Variants in MLLT3 observed in about 807,000 individuals in gnomAD.
MLLT3 encodes protein AF-9.
MLLT3 carries 4 observed loss-of-function variants against 53.2 expected under a neutral mutation model. The observed-to-expected ratio is 0.08, with a 90% CI of 0.04 to 0.17. The LOEUF is 0.17. Ranked by LOEUF, MLLT3 falls within the 10% of genes least tolerant of loss-of-function variation. MLLT3 has a pLI of 1.00. For synonymous variants in MLLT3, 283 were observed against 230.6 expected (o/e 1.23, Z -2.06); for missense variants, 569 against 684.0 (o/e 0.83, Z 1.87).
chr9:20,381,162 C>G (rs983713484), intron 5 of MLLT3, among the ~76,000 whole-genome samples: 1 of 151,832 alleles, frequency 6.6e-6, no homozygotes, highest in African/African-American at 2.4e-5. Context: ...TATTTTAAAC[C>G]TTTAGATATT....
intron 2 of MLLT3, among the ~76,000 whole-genome samples, chr9:20,551,332 T>A (rs1818921105): frequency 6.6e-6 from 1 of 152,210 alleles, no homozygotes; most frequent in Admixed American, 6.5e-5. Context: ...ATCCAATGCA[T>A]TCCACAAAGC....
At chr9:20,619,683 A>G (rs1317980591) in intron 2 of MLLT3, among the ~76,000 whole-genome samples, 1 of 152,202 alleles carries the variant, frequency 6.6e-6, no homozygotes, top group Non-Finnish European at 1.5e-5. Context: ...AAACAACCAG[A>G]CATTAGTTTT....
intron 2 of MLLT3, among the ~76,000 whole-genome samples, chr9:20,466,482 G>GT (rs1231269050): frequency 2.0e-5 from 3 of 152,050 alleles, no homozygotes; most frequent in Admixed American, 6.6e-5. Flanking sequence ...AGAGTATGGG[G>GT]TTTTTTTGCT....
At position 20,365,686 on chromosome 9, in the gene MLLT3, G is replaced by A; in HGVS notation, c.1184C>T (p.Ser395Phe). ...SSSSSSSFTP[S>F]QTRQQGPLRS... ...GTTGATACCTTGTTGCCTGGTCTGG[G>A]ATGGTGTGAAGCTGGAGCTGGAGCT... is the stretch of plus-strand genomic sequence containing the variant. Residue 395 changes from serine (S) to phenylalanine (F), a missense_variant, in exon 6 of 11, where the codon TCC (serine) becomes TTC (phenylalanine). This residue lies in a region of MLLT3 where 437 missense variants were observed against 376.5 expected (regional missense o/e 1.16). Coordinates refer to ENST00000380338, the MANE Select transcript of MLLT3 (RefSeq NM_004529.4). The A allele has an allele frequency of 6.2e-7, 1 of 1,614,216 alleles. No individual in the cohort carries two copies. Among genetic ancestry groups the A allele is most frequent in the Non-Finnish European group, 8.5e-7 (1 of 1,180,042 alleles).
chr9:20,574,377 T>C (rs962683041), intron 2 of MLLT3, among the ~76,000 whole-genome samples: 2 of 152,238 alleles, frequency 1.3e-5, no homozygotes, highest in African/African-American at 4.8e-5. Flanking sequence ...AAAGTCACTA[T>C]GGTGTAAAGT....
chr9:20,357,596 G>C (rs533101116), intron 8 of MLLT3, among the ~76,000 whole-genome samples: 1 of 152,188 alleles, frequency 6.6e-6, no homozygotes, highest in East Asian at 1.9e-4. Context: ...TCTACTGATA[G>C]ATCTTTCATA....
intron 4 of MLLT3, among the ~76,000 whole-genome samples, chr9:20,418,632 G>A (rs572539089): frequency 1.2e-4 from 19 of 152,234 alleles, no homozygotes; most frequent in African/African-American, 4.3e-4. Context: ...TAGAGATGGG[G>A]TCTTGCTGTG....
chr9:20,494,345 C>G lies in MLLT3; in HGVS notation c.194-37559G>C, dbSNP rs994844647. Among the ~76,000 whole-genome samples the G allele has an allele frequency of 3.9e-5, 6 of 151,982 alleles. No individual in the cohort carries two copies. In the South Asian group the frequency reaches 1.2e-3, roughly 31 times the overall value. ...CTTCAGGGGAGAAGAGGTTTATGCACAAATCCAGAAAGCTTTAAAGATGCT... is the reference window on the plus strand; with the variant it reads ...CTTCAGGGGAGAAGAGGTTTATGCAGAAATCCAGAAAGCTTTAAAGATGCT... On this transcript the variant is annotated intron_variant, in intron 2 of 10. Transcript: ENST00000380338.
chr9:20,556,703 T>C (rs1459101880), intron 2 of MLLT3, among the ~76,000 whole-genome samples: 2 of 151,310 alleles, frequency 1.3e-5, no homozygotes, highest in Admixed American at 6.6e-5. Flanking sequence ...AATAAATAAA[T>C]AAAAGTTGGG....
In MLLT3 at chr9:20,346,006, A is replaced by G. The variant is rs1820856317; in HGVS notation, c.*437T>C. The G allele has an allele frequency of 4.2e-6, 1 of 235,332 alleles. No individual in the cohort carries two copies. Among genetic ancestry groups the G allele is most frequent in the Non-Finnish European group, 8.4e-6 (1 of 119,026 alleles). The allele number at this position is 235,332 out of a possible 1,614,324, so 14.6% of individuals were successfully genotyped here. The stretch of plus-strand genomic sequence containing the variant: ...TAATGTCTGATGGTGTCATTCCCTC[A>G]ACGACTTAGAATATCTGTATGCGAT... On this transcript the variant is annotated 3_prime_UTR_variant, in exon 11 of 11. Transcript: ENST00000380338.
rs540463940 is a variant in MLLT3 at position 20,561,063 on chromosome 9, T to A, written c.193+59591A>T. Among the ~76,000 whole-genome samples, 6 of 152,310 alleles carry A rather than the reference T, an allele frequency of 3.9e-5. No homozygotes were observed. In the South Asian group the frequency reaches 1.2e-3, roughly 32 times the overall value. On this transcript the variant is annotated intron_variant, in intron 2 of 10. Coordinates refer to ENST00000380338, the MANE Select transcript of MLLT3 (RefSeq NM_004529.4). ...TGAAAAGCAAAGGGACCAGGGAACA[T>A]GTATCTACTTTATTTTGTGTGTGTG...
chr9:20,542,526 A>G (rs1818667497), intron 2 of MLLT3, among the ~76,000 whole-genome samples: 1 of 152,198 alleles, frequency 6.6e-6, no homozygotes, highest in Non-Finnish European at 1.5e-5. Flanking sequence ...CTGGGATTAC[A>G]GGCGTGAGCC....
chr9:20,459,262 T>C (rs920723120), intron 2 of MLLT3, among the ~76,000 whole-genome samples: 1 of 152,150 alleles, frequency 6.6e-6, no homozygotes, highest in African/African-American at 2.4e-5. Context: ...AAATCAAGAA[T>C]GAGACATCTC....
chr9:20,460,238 C>G (rs1173835529), intron 2 of MLLT3, among the ~76,000 whole-genome samples: 2 of 152,158 alleles, frequency 1.3e-5, no homozygotes, highest in Admixed American at 6.5e-5. Flanking sequence ...ATTCTAAACC[C>G]TGAAACTAAT....
At chr9:20,470,088 A>AT (rs1824343761) in intron 2 of MLLT3, among the ~76,000 whole-genome samples, 1 of 151,976 alleles carries the variant, frequency 6.6e-6, no homozygotes, top group Admixed American at 6.6e-5. Flanking sequence ...CCCAAGTATT[A>AT]TTTTTTGTTG....
At chr9:20,439,013 T>C (rs891224001) in intron 4 of MLLT3, among the ~76,000 whole-genome samples, 16 of 150,166 alleles carry the variant, frequency 1.1e-4, no homozygotes, top group Non-Finnish European at 2.4e-4. Flanking sequence ...TGAATCATAT[T>C]TGCAAAGACA....
chr9:20,527,356 C>T (rs761226303), intron 2 of MLLT3, among the ~76,000 whole-genome samples: 7 of 152,130 alleles, frequency 4.6e-5, no homozygotes, highest in Non-Finnish European at 1.0e-4. Context: ...TCCTAAGGGT[C>T]AAATCTTTCC....
chr9:20,594,160 C>T (rs1410927752), intron 2 of MLLT3, among the ~76,000 whole-genome samples: 2 of 152,138 alleles, frequency 1.3e-5, no homozygotes, highest in African/African-American at 4.8e-5. Flanking sequence ...AAGCTGGTCT[C>T]GAACTCCTGA....
intron 2 of MLLT3, among the ~76,000 whole-genome samples, chr9:20,504,808 T>G (rs980057497): frequency 6.6e-6 from 1 of 152,154 alleles, no homozygotes; most frequent in East Asian, 1.9e-4. Flanking sequence ...CATTTCACAA[T>G]GTATACAGAT....
Sources: gnomAD v4.1 joint callset for allele counts (sites outside exome capture counted in the v4.1 genomes callset) on GRCh38, gnomAD v4.1.1 for gene constraint, gnomAD v4.1.1 regional missense constraint, MANE v1.5 for transcripts, NCBI Gene and HGNC (gene_info 2026-07-23, HGNC 2026-07-21) for gene names.